ESRRG: variants seen among roughly 807,000 people sequenced by gnomAD.
ESRRG encodes estrogen related receptor gamma, also known as estrogen-related receptor gamma.
A neutral mutation model predicts 44.0 loss-of-function variants in ESRRG; 13 were observed. The ratio of observed to expected loss-of-function variants is 0.30; its 90% CI spans 0.19 to 0.47. The LOEUF is 0.47. Among genes scored for constraint, ESRRG ranks in the 20% least tolerant of loss-of-function variants. The pLI is 1.00. For missense variants in ESRRG, 395 were observed against 580.6 expected, an observed-to-expected ratio of 0.68 and a Z score of 3.29; for synonymous variants, 215 against 214.6, an observed-to-expected ratio of 1.00 and a Z score of -0.02.
chr1:216,795,891 G>T lies in ESRRG; in HGVS notation c.-13-118400C>A, dbSNP rs934943144. On this transcript the variant is annotated intron_variant, in intron 2 of 7. Transcript: ENST00000359162. Reference sequence around the variant, plus strand: ...CAAAGCAGAGTGCAGGGTAGTAATTGATCAAGAGGTATACAGGAAGTGAAC... The same window carrying T: ...CAAAGCAGAGTGCAGGGTAGTAATTTATCAAGAGGTATACAGGAAGTGAAC... Among the ~76,000 whole-genome samples the T allele has an allele frequency of 9.2e-5, 14 of 152,238 alleles. 1 individual carries two copies. Among genetic ancestry groups the T allele is most frequent in the African/African-American group, 2.6e-4 (11 of 41,564 alleles).
At chr1:216,725,975 T>C (rs1055685324), upstream of ESRRG, among the ~76,000 whole-genome samples, 3 of 152,170 alleles carry the variant, frequency 2.0e-5, no homozygotes, top group South Asian at 6.2e-4. Flanking sequence ...TGATCTTTAA[T>C]TTCCCATCAT....
chr1:216,602,486 C>A (rs1196397351), intron 3 of ESRRG, among the ~76,000 whole-genome samples: 12 of 152,274 alleles, frequency 7.9e-5, no homozygotes. Context: ...CCAACTGTAA[C>A]AGGTGCTAAT....
intron 1 of ESRRG, among the ~76,000 whole-genome samples, chr1:216,715,617 G>A (rs2084692138): frequency 6.6e-6 from 1 of 151,932 alleles, no homozygotes; most frequent in Admixed American, 6.6e-5. Flanking sequence ...TCTTTAATGA[G>A]TACCTCAGTC....
At chr1:216,826,532 A>T (rs1053190491) in intron 2 of ESRRG, among the ~76,000 whole-genome samples, 1 of 152,228 alleles carries the variant, frequency 6.6e-6, no homozygotes, top group Admixed American at 6.5e-5. Context: ...GATTATTACA[A>T]TATTATTGAA....
chr1:216,921,637 C>A (rs1175181246), intron 2 of ESRRG, among the ~76,000 whole-genome samples: 3 of 152,140 alleles, frequency 2.0e-5, no homozygotes, highest in African/African-American at 4.8e-5. Flanking sequence ...CTCAGTGGGG[C>A]TTTTACACTC....
rs2060690102 is a variant in ESRRG at position 216,611,685 on chromosome 1, C to G, written c.589+39288G>C. On this transcript the variant is annotated intron_variant, in intron 3 of 6. Transcript: ENST00000408911. ...ACAAGAATAAAACTTATTGCCTGCC[C>G]TCAAGGGCCCAGAATCTACCGGGGG... Among the ~76,000 whole-genome samples, 6 of 152,006 alleles carry G rather than the reference C, an allele frequency of 3.9e-5. No homozygotes were observed. The South Asian group carries it at 1.2e-3, about 32-fold the overall frequency.
chr1:216,702,974 T>A (rs575168426), intron 1 of ESRRG, among the ~76,000 whole-genome samples: 10 of 152,078 alleles, frequency 6.6e-5, no homozygotes, highest in Admixed American at 2.0e-4. Context: ...TCTTAAATTT[T>A]AAAAAAATAA....
At chr1:216,690,080 A>T (rs2151712055) in intron 1 of ESRRG, among the ~76,000 whole-genome samples, 1 of 152,250 alleles carries the variant, frequency 6.6e-6, no homozygotes, top group African/African-American at 2.4e-5. Context: ...GGACACCATA[A>T]CACAGCATTT....
At chr1:217,093,877 A>G (rs1318282), upstream of ESRRG, among the ~76,000 whole-genome samples, 65,167 of 151,120 alleles carry the variant, frequency 0.43, 15,526 homozygotes, top group East Asian at 0.57. Context: ...TATATTTTTT[A>G]TTAATAATAA....
intron 2 of ESRRG, among the ~76,000 whole-genome samples, chr1:216,731,167 G>A (rs955757632): frequency 6.6e-6 from 1 of 152,070 alleles, no homozygotes; most frequent in East Asian, 1.9e-4. Context: ...GTTCAAAAAC[G>A]GTTCTTGTAT....
At chr1:216,905,906 A>G (rs962923672) in intron 2 of ESRRG, among the ~76,000 whole-genome samples, 12 of 152,178 alleles carry the variant, frequency 7.9e-5, no homozygotes, top group African/African-American at 2.2e-4. Context: ...ACATGCCACT[A>G]CGCCCTGCTA....
chr1:216,681,784 A>AAT (rs1262373139), intron 1 of ESRRG: 1 of 39,058 alleles, frequency 2.6e-5, no homozygotes, highest in African/African-American at 1.1e-4. Flanking sequence ...TGAGAGAAAG[A>AAT]AAGAATAAGA....
At chr1:217,074,878 G>A (rs759188088) in intron 1 of ESRRG, among the ~76,000 whole-genome samples, 121 of 152,316 alleles carry the variant, frequency 7.9e-4, no homozygotes, top group Non-Finnish European at 1.2e-3. Flanking sequence ...ACTATGACAG[G>A]ACCAAACAAT....
rs539625450 is a variant in ESRRG, at chr1:216,707,593, C to T, written c.56+15651G>A. On this transcript the variant is annotated intron_variant, in intron 1 of 6. Coordinates refer to ENST00000408911, the MANE Select transcript of ESRRG (RefSeq NM_001438.4). ...GAATTTATTTTATGAAGACTGACTC[C>T]TTTTTACATTGGAGACTTAGGTATG... 1.5e-4 allele frequency: 168 copies of T among 1,122,126 alleles called. 4 individuals carry two copies. In the South Asian group the frequency reaches 2.7e-3, roughly 18 times the overall value. 69.5% of individuals were successfully genotyped at this position (1,122,126 alleles called of 1,614,324 possible). A position where few individuals can be genotyped will look rare whatever the true frequency, so the allele number is the denominator to read the frequency against.
intron 1 of ESRRG, among the ~76,000 whole-genome samples, chr1:216,705,839 T>C (rs1340540395): frequency 6.6e-6 from 1 of 152,216 alleles, no homozygotes; most frequent in Non-Finnish European, 1.5e-5. Flanking sequence ...AGTCACCAGA[T>C]GGACTCATGA....
chr1:216,558,077 G>A (rs2057949408), intron 5 of ESRRG, among the ~76,000 whole-genome samples: 1 of 152,056 alleles, frequency 6.6e-6, no homozygotes, highest in African/African-American at 2.4e-5. Flanking sequence ...GGCATGAGTG[G>A]TGAGGACAGG....
chr1:216,710,037 C>T (rs1315432120), intron 1 of ESRRG, among the ~76,000 whole-genome samples: 1 of 152,108 alleles, frequency 6.6e-6, no homozygotes, highest in Non-Finnish European at 1.5e-5. Flanking sequence ...AGTGCATGCT[C>T]CCTCGCATGC....
intron 1 of ESRRG, among the ~76,000 whole-genome samples, chr1:216,692,255 G>C (rs1296774626): frequency 6.6e-6 from 1 of 151,800 alleles, no homozygotes; most frequent in Admixed American, 6.6e-5. Context: ...GACTCGATGT[G>C]GAGGTGGAAA....
intron 2 of ESRRG, among the ~76,000 whole-genome samples, chr1:216,820,204 T>C (rs1041076960): frequency 1.3e-5 from 2 of 152,206 alleles, no homozygotes; most frequent in African/African-American, 4.8e-5. Flanking sequence ...CATTCAACAC[T>C]CACAATACAT....
Sources: allele counts gnomAD v4.1 joint callset (sites outside exome capture counted in the v4.1 genomes callset), GRCh38; gene constraint gnomAD v4.1.1; transcripts MANE v1.5; gene names NCBI Gene and HGNC (gene_info 2026-07-23, HGNC 2026-07-21).